Variants in JAM3 observed in about 807,000 individuals in gnomAD.
JAM3 encodes the protein junctional adhesion molecule 3, also known as junctional adhesion molecule C.
In JAM3, 31 loss-of-function variants were observed where a neutral mutation model predicts 39.4. The ratio of observed to expected loss-of-function variants is 0.79; its 90% CI spans 0.59 to 1.06. The LOEUF (loss-of-function observed/expected upper bound fraction) is 1.06. JAM3 is among the 50% of genes least tolerant of loss of function. The probability of loss-of-function intolerance (pLI) is 0.00; values close to 1 mark genes in which losing one functional copy is unlikely to be tolerated. For synonymous variants in JAM3, 182 were observed against 148.7 expected (o/e 1.22, Z -1.63); for missense variants, 455 against 391.4 (o/e 1.16, Z -1.37).
Position 134,150,856 on chromosome 11 carries a change from G to GGCTGC in JAM3, c.*1675_*1676insGCTGC. ...CGGCCAGTCCAGCCTTTTAAAGAACGTCAGGTGGAGCAGCCAGGTGAAAGG... is the reference window on the plus strand; with the variant it reads ...CGGCCAGTCCAGCCTTTTAAAGAACGGCTGCTCAGGTGGAGCAGCCAGGTGAAAGG... On this transcript the variant is annotated 3_prime_UTR_variant, in exon 9 of 9. Transcript: ENST00000299106. The GGCTGC allele has an allele frequency of 2.6e-5, 4 of 152,290 alleles. No individual in the cohort carries two copies. In the South Asian group the frequency reaches 8.3e-4, roughly 32 times the overall value. 9.4% of individuals were successfully genotyped at this position (152,290 alleles called of 1,614,324 possible).
At position 134,143,068 on chromosome 11, in the gene JAM3, T is replaced by C. The variant is rs911157950; in HGVS notation, c.257-1173T>C. Reference sequence around the variant, plus strand: ...GCTGCTATCAGTATTTGTTTACAGGTTTTTGTGTGAACCTAAGTTTTCATT... The same window carrying C: ...GCTGCTATCAGTATTTGTTTACAGGCTTTTGTGTGAACCTAAGTTTTCATT... On this transcript the variant is annotated intron_variant, in intron 3 of 8. Coordinates refer to ENST00000299106, the MANE Select transcript of JAM3 (RefSeq NM_032801.5). 9.9e-5 allele frequency among the ~76,000 whole-genome samples: 15 copies of C among 152,228 alleles called. 1 individual carries two copies. The highest frequency in any genetic ancestry group is 5.9e-5 in the Non-Finnish European group (4 of 68,034).
chr11:134,080,002 T>C (rs1941638581), intron 1 of JAM3, among the ~76,000 whole-genome samples: 1 of 152,196 alleles, frequency 6.6e-6, no homozygotes, highest in East Asian at 1.9e-4. Context: ...CTTTTTTTTG[T>C]TTTTTAAATC....
intron 1 of JAM3, among the ~76,000 whole-genome samples, chr11:134,092,878 G>A (rs1383664354): frequency 7.9e-5 from 11 of 138,996 alleles, no homozygotes; most frequent in African/African-American, 2.7e-4. Flanking sequence ...ACTTCCTGAG[G>A]GAAGCTTCTC....
intron 1 of JAM3, among the ~76,000 whole-genome samples, chr11:134,102,158 C>A (rs1056143775): frequency 4.6e-5 from 7 of 152,168 alleles, no homozygotes; most frequent in African/African-American, 1.7e-4. Flanking sequence ...ACATACCCAA[C>A]GTAGCATGGT....
At chr11:134,098,458 T>C (rs1942021967) in intron 1 of JAM3, among the ~76,000 whole-genome samples, 1 of 152,180 alleles carries the variant, frequency 6.6e-6, no homozygotes, top group Non-Finnish European at 1.5e-5. Context: ...TTTTAATCAA[T>C]TGTGAAGGAC....
Position 134,076,382 on chromosome 11 carries a change from C to T in JAM3, c.76+7223C>T, listed in dbSNP as rs181452441. Among the ~76,000 whole-genome samples, 571 of 151,788 alleles carry T rather than the reference C, an allele frequency of 3.8e-3. 6 individuals are homozygous for T. The highest frequency in any genetic ancestry group is 0.013 in the African/African-American group (530 of 41,362). ...GTTGATCAGGCTGGTCTCGAATTCC[C>T]GACCTCAGGTGATCCGCCTGCCTCG... On this transcript the variant is annotated intron_variant, in intron 1 of 8. Transcript: ENST00000299106.
intron 1 of JAM3, chr11:134,124,191 C>T (rs1340230193): frequency 6.9e-7 from 1 of 1,446,608 alleles, no homozygotes; most frequent in Non-Finnish European, 9.7e-7. Context: ...CGTAGCATCA[C>T]AAACTCGAAC....
chr11:134,146,147 G>A, intron 6 of JAM3, 102 bp downstream of exon 6: 1 of 856,904 alleles, frequency 1.2e-6, no homozygotes, highest in Non-Finnish European at 1.9e-6. Context: ...TTCCGCCATG[G>A]GTTAGCTTTC....
chr11:134,099,582 T>C (rs190509623), intron 1 of JAM3, among the ~76,000 whole-genome samples: 4 of 152,328 alleles, frequency 2.6e-5, no homozygotes, highest in Admixed American at 2.0e-4. Context: ...TTCTGCCCTT[T>C]GCCTCCTGTA....
chr11:134,073,049 C>T (rs1941508377), intron 1 of JAM3, among the ~76,000 whole-genome samples: 1 of 152,278 alleles, frequency 6.6e-6, no homozygotes, highest in South Asian at 2.1e-4. Flanking sequence ...GTAAAGCGAT[C>T]CCGAAAGAAA....
At chr11:134,092,186 A>T (rs912285299) in intron 1 of JAM3, among the ~76,000 whole-genome samples, 1 of 152,010 alleles carries the variant, frequency 6.6e-6, no homozygotes, top group Admixed American at 6.6e-5. Context: ...CCCTTGGCTC[A>T]CTTTCATTTT....
At chr11:134,147,915 T>C (rs562015685) in intron 6 of JAM3, 2 of 154,280 alleles carry the variant, frequency 1.3e-5, no homozygotes, top group South Asian at 4.0e-4. Context: ...CATGTGTCGC[T>C]TGCTTGAAGG....
At chr11:134,120,282 A>G (rs11601362) in intron 1 of JAM3, among the ~76,000 whole-genome samples, 11,812 of 152,290 alleles carry the variant, frequency 0.078, 594 homozygotes, top group Admixed American at 0.11. Flanking sequence ...GCAGTAATGC[A>G]TGCTGACGTG....
chr11:134,129,631 T>G (rs965537463), intron 1 of JAM3, among the ~76,000 whole-genome samples: 6 of 152,196 alleles, frequency 3.9e-5, no homozygotes, highest in Admixed American at 3.9e-4. Flanking sequence ...TTATCTTCAG[T>G]TATTGGTGAA....
At chr11:134,148,723 T>C (rs758416723) in intron 7 of JAM3, 41 bp from the exon 8 acceptor site, 3 of 1,614,072 alleles carry the variant, frequency 1.9e-6, no homozygotes, top group Non-Finnish European at 8.5e-7. Flanking sequence ...CTGGCAATAA[T>C]ATAACAACCC....
intron 1 of JAM3, among the ~76,000 whole-genome samples, chr11:134,125,002 C>T (rs983517570): frequency 6.6e-6 from 1 of 152,132 alleles, no homozygotes; most frequent in Non-Finnish European, 1.5e-5. Context: ...CACCCCCCAG[C>T]CTCAGCGCGC....
intron 1 of JAM3, among the ~76,000 whole-genome samples, chr11:134,101,097 A>G (rs1260253997): frequency 6.6e-6 from 1 of 152,196 alleles, no homozygotes; most frequent in African/African-American, 2.4e-5. Context: ...GCATGGGGTA[A>G]CAGTGTAAGC....
chr11:134,124,067 G>A (rs1942590313), intron 1 of JAM3: 3 of 1,466,984 alleles, frequency 2.0e-6, no homozygotes, highest in African/African-American at 1.4e-5. Context: ...CACAGAATTT[G>A]GTTTATAACA....
intron 1 of JAM3, among the ~76,000 whole-genome samples, chr11:134,110,577 A>T (rs1213265677): frequency 6.6e-6 from 1 of 152,220 alleles, no homozygotes; most frequent in Admixed American, 6.5e-5. Flanking sequence ...ATTTATTTAA[A>T]ATTCTAGGAA....
Sources: allele counts gnomAD v4.1 joint callset (sites outside exome capture counted in the v4.1 genomes callset), GRCh38; gene constraint gnomAD v4.1.1; transcripts MANE v1.5; gene names NCBI Gene and HGNC (gene_info 2026-07-23, HGNC 2026-07-21).